The following CCDC39 variants were observed in gnomAD, a reference collection of about 807,000 sequenced individuals.
The protein encoded by CCDC39 is coiled-coil domain-containing protein 39.
In CCDC39, 113 loss-of-function variants were observed where a neutral mutation model predicts 121.0. The observed-to-expected ratio is 0.93, with a 90% CI of 0.80 to 1.09. The LOEUF is 1.09. CCDC39 is among the 50% of genes least tolerant of loss of function. The pLI is 0.00. For missense variants in CCDC39, 1,063 were observed against 1,074.7 expected, an observed-to-expected ratio of 0.99 and a Z score of 0.15; for synonymous variants, 349 against 352.2, an observed-to-expected ratio of 0.99 and a Z score of 0.10.
Position 180,654,968 on chromosome 3 carries a change from A to G in CCDC39, c.739-15T>C. ...CTTGCTAATTCCTAGGATTAAAACAAATATGTTTACTTAAATATATGTTTA... is the reference window on the plus strand; with the variant it reads ...CTTGCTAATTCCTAGGATTAAAACAGATATGTTTACTTAAATATATGTTTA... On this transcript the variant is annotated splice_polypyrimidine_tract_variant and intron_variant, in intron 6 of 19. Coordinates refer to ENST00000476379, the MANE Select transcript of CCDC39 (RefSeq NM_181426.2). The G allele has an allele frequency of 6.9e-7, 1 of 1,448,512 alleles. No homozygotes were observed. Among genetic ancestry groups the G allele is most frequent in the Non-Finnish European group, 9.2e-7 (1 of 1,086,586 alleles). 89.7% of individuals were successfully genotyped at this position (1,448,512 alleles called of 1,614,324 possible).
rs989518171 is a variant in CCDC39, at chr3:180,679,180, G to A, written c.90+111C>T. ...ATGGTGCGGGGGAGTGTTAGAGGAA[G>A]CACAGGATTAGGAAAGGAGAGAAAT... On this transcript the variant is annotated intron_variant, in intron 1 of 19. Coordinates refer to ENST00000476379, the MANE Select transcript of CCDC39 (RefSeq NM_181426.2). This position sits in a 1 kb window ranked among gnomAD's most constrained non-coding sequence, Gnocchi z 4.0. 7 of 819,886 alleles carry A rather than the reference G, an allele frequency of 8.5e-6. No homozygotes were observed. The highest frequency in any genetic ancestry group is 1.4e-5 in the South Asian group (1 of 73,768). The allele number at this position is 819,886 out of a possible 1,614,324, so 50.8% of individuals were successfully genotyped here.
intron 13 of CCDC39, 99 bp from the exon 14 acceptor site, chr3:180,631,691 T>G: frequency 2.0e-6 from 2 of 977,628 alleles, no homozygotes; most frequent in Non-Finnish European, 3.0e-6. Flanking sequence ...TTTGTGTTAC[T>G]ACTAAACTCA....
chr3:180,636,262 GA>G (rs1227148924), intron 13 of CCDC39, among the ~76,000 whole-genome samples: 1 of 152,118 alleles, frequency 6.6e-6, no homozygotes, highest in Non-Finnish European at 1.5e-5. Flanking sequence ...AAAGTTTCAG[GA>G]TACAAAATCA....
At chr3:180,631,719 C>T (rs992779919) in intron 13 of CCDC39, 127 bp from the exon 14 acceptor site, 1 of 757,378 alleles carries the variant, frequency 1.3e-6, no homozygotes, top group African/African-American at 1.8e-5. Context: ...TAAATTTGTT[C>T]TCACGTTTTA....
intron 9 of CCDC39, among the ~76,000 whole-genome samples, chr3:180,650,648 G>A (rs1206149024): frequency 6.6e-6 from 1 of 152,010 alleles, no homozygotes; most frequent in Non-Finnish European, 1.5e-5. Flanking sequence ...CTTGAGGTCA[G>A]GAGTTTGAGG....
chr3:180,634,739 C>G (rs147308293), intron 13 of CCDC39, among the ~76,000 whole-genome samples: 1 of 152,082 alleles, frequency 6.6e-6, no homozygotes, highest in African/African-American at 2.4e-5. Context: ...CAAGCAAGAG[C>G]CTACCTACTG....
intron 1 of CCDC39, among the ~76,000 whole-genome samples, chr3:180,676,949 G>A (rs1005104826): frequency 4.6e-5 from 7 of 150,810 alleles, no homozygotes; most frequent in Admixed American, 3.3e-4. Context: ...TGAACAATGC[G>A]AACACTTGGA....
intron 6 of CCDC39, among the ~76,000 whole-genome samples, chr3:180,655,378 C>CT (rs1711556664): frequency 6.6e-6 from 1 of 151,256 alleles, no homozygotes; most frequent in South Asian, 2.1e-4. Context: ...GGAATGTCTT[C>CT]ACTCAGGCCT....
chr3:180,658,050 A>G (rs1004411105), intron 6 of CCDC39, among the ~76,000 whole-genome samples: 17 of 151,034 alleles, frequency 1.1e-4, no homozygotes, highest in African/African-American at 4.1e-4. Flanking sequence ...CCTGGCCAAC[A>G]TGATGAAACC....
rs1186540808 is a variant in CCDC39 at position 180,648,992 on chromosome 3, C to T, written c.1168-633G>A. Among the ~76,000 whole-genome samples, 6 of 152,006 alleles carry T rather than the reference C, an allele frequency of 3.9e-5. No homozygotes were observed. In the South Asian group the frequency reaches 6.2e-4, roughly 16 times the overall value. On this transcript the variant is annotated intron_variant, in intron 9 of 19. Transcript: ENST00000476379. ...ACAGACATAGGTAACCTTAAGAGTA[C>T]AAAATAATAAAATATTTGGAAGTAA...
At position 180,616,555 on chromosome 3, in the gene CCDC39, A is replaced by G. The variant is rs1338606655; in HGVS notation, c.2547T>C (p.Asn849=). 2 of 1,593,982 alleles carry G rather than the reference A, an allele frequency of 1.3e-6. No individual in the cohort carries two copies. Among genetic ancestry groups the G allele is most frequent in the East Asian group, 4.5e-5 (2 of 44,608 alleles). ...TTTGAAGGATAATACGGATCTCAGT[A>G]TTTTCTTCTATGATATCAACTAACA... ...DEMLVDIIEE[N]TEIRIILQTY... Residue 849 remains asparagine, a synonymous_variant, in exon 18 of 20, where the codon AAT becomes AAC. Coordinates refer to ENST00000476379, the MANE Select transcript of CCDC39 (RefSeq NM_181426.2).
intron 1 of CCDC39, among the ~76,000 whole-genome samples, chr3:180,673,329 C>T (rs542278195): frequency 1.1e-4 from 16 of 152,236 alleles, no homozygotes; most frequent in South Asian, 4.1e-4. Context: ...TCTGTTGATG[C>T]GGCAAAGTTC....
intron 9 of CCDC39, among the ~76,000 whole-genome samples, chr3:180,650,344 A>G (rs1718170191): frequency 6.6e-6 from 1 of 152,204 alleles, no homozygotes; most frequent in South Asian, 2.1e-4. Flanking sequence ...GGTTAAAGAG[A>G]TAGTAGATGA....
intron 13 of CCDC39, among the ~76,000 whole-genome samples, chr3:180,635,759 C>T (rs1166159951): frequency 1.3e-5 from 2 of 152,146 alleles, no homozygotes; most frequent in African/African-American, 2.4e-5. Context: ...TGAGTACCTG[C>T]GGCTTTTCAA....
Position 180,654,786 on chromosome 3 carries a change from A to C in CCDC39, c.906T>G (p.Thr302=). 1 of 1,608,728 alleles carries C rather than the reference A, an allele frequency of 6.2e-7. No individual in the cohort carries two copies. The highest frequency in any genetic ancestry group is 8.5e-7 in the Non-Finnish European group (1 of 1,177,458). Reference sequence around the variant, plus strand: ...CCTCACCCTTCAGCTGAATTCTACTAGTTTCATGGTCCTGATATGCCGTTC... The same window carrying C: ...CCTCACCCTTCAGCTGAATTCTACTCGTTTCATGGTCCTGATATGCCGTTC... The part of the protein sequence containing the change: ...KCRTAYQDHE[T]SRIQLKGELD... Residue 302 remains threonine (T), a synonymous_variant, in exon 7 of 20, where the codon ACT becomes ACG. Coordinates refer to ENST00000476379, the MANE Select transcript of CCDC39 (RefSeq NM_181426.2).
intron 7 of CCDC39, among the ~76,000 whole-genome samples, chr3:180,653,258 G>T (rs1304103673): frequency 6.6e-6 from 1 of 152,144 alleles, no homozygotes; most frequent in Non-Finnish European, 1.5e-5. Context: ...CTGCAACCTT[G>T]TACAAAACCC....
rs538688792 is a variant in CCDC39, at chr3:180,639,897, G to A, written c.1874+2096C>T. 2.0e-5 allele frequency among the ~76,000 whole-genome samples: 3 copies of A among 152,222 alleles called. No individual in the cohort carries two copies. In the East Asian group the frequency reaches 5.8e-4, roughly 29 times the overall value. On this transcript the variant is annotated intron_variant, in intron 13 of 19. Coordinates refer to ENST00000476379, the MANE Select transcript of CCDC39 (RefSeq NM_181426.2). ...GTGTCAACCCCTGACAAAAAGGAAT[G>A]TATATTGATATACACAACATGGATG... is the stretch of plus-strand genomic sequence containing the variant.
chr3:180,641,911 C>T (rs1346752771), intron 13 of CCDC39, 82 bp downstream of exon 13: 5 of 953,566 alleles, frequency 5.2e-6, no homozygotes, highest in East Asian at 2.5e-5. Flanking sequence ...GATGCACATC[C>T]GGGATGTTAG....
intron 1 of CCDC39, among the ~76,000 whole-genome samples, chr3:180,676,172 C>T (rs1304725220): frequency 1.3e-5 from 2 of 152,128 alleles, no homozygotes; most frequent in South Asian, 4.1e-4. Flanking sequence ...AGAGCTTCTG[C>T]ACAGCAAAAG....
Sources: gnomAD v4.1 joint callset for allele counts (sites outside exome capture counted in the v4.1 genomes callset) on GRCh38, gnomAD v4.1.1 for gene constraint, Gnocchi (gnomAD v3.1) non-coding constraint, MANE v1.5 for transcripts, NCBI Gene and HGNC (gene_info 2026-07-23, HGNC 2026-07-21) for gene names.